SHISA6: variants seen among roughly 807,000 people sequenced by gnomAD.
The protein encoded by SHISA6 is protein shisa-6.
Under a neutral mutation model 47.9 loss-of-function variants are expected in SHISA6, and 22 were observed. The observed-to-expected ratio is 0.46, with a 90% CI of 0.33 to 0.66. The LOEUF is 0.66. Ranked by LOEUF, SHISA6 falls within the 30% of genes least tolerant of loss-of-function variation. The pLI is 0.02. For missense variants in SHISA6, 680 were observed against 764.6 expected (o/e 0.89, Z 1.30); for synonymous variants, 388 against 337.8 (o/e 1.15, Z -1.63).
intron 3 of SHISA6, among the ~76,000 whole-genome samples, chr17:11,444,825 T>C (rs1272591014): frequency 1.3e-5 from 2 of 152,170 alleles, no homozygotes; most frequent in Non-Finnish European, 2.9e-5. Context: ...CAGATGGGAC[T>C]CTGAACGTCC....
intron 2 of SHISA6, among the ~76,000 whole-genome samples, chr17:11,277,278 T>TCACACACACA (rs1385591802): frequency 1.9e-5 from 1 of 52,620 alleles, no homozygotes; most frequent in Non-Finnish European, 3.9e-5. Flanking sequence ...TCTCTCTCTC[T>TCACACACACA]CTCACACACA....
At chr17:11,495,347 C>T (rs2142341720) in intron 3 of SHISA6, among the ~76,000 whole-genome samples, 1 of 152,278 alleles carries the variant, frequency 6.6e-6, no homozygotes, top group Non-Finnish European at 1.5e-5. Flanking sequence ...GACTAAGCTG[C>T]ATTTGTGGGC....
chr17:11,405,796 A>G (rs2142267993), intron 3 of SHISA6, among the ~76,000 whole-genome samples: 1 of 152,156 alleles, frequency 6.6e-6, no homozygotes, highest in South Asian at 2.1e-4. Flanking sequence ...CTGTCTCAAA[A>G]AAAAAAAGAA....
intron 2 of SHISA6, among the ~76,000 whole-genome samples, chr17:11,292,712 G>C (rs887659561): frequency 6.6e-6 from 1 of 151,966 alleles, no homozygotes; most frequent in Admixed American, 6.6e-5. Context: ...AAAGCAAGGA[G>C]ACGAGATGAA....
chr17:11,361,054 TTTG>T (rs200123815), intron 2 of SHISA6, among the ~76,000 whole-genome samples: 44,660 of 144,650 alleles, frequency 0.31, 6,801 homozygotes, highest in African/African-American at 0.39. Context: ...TGTTTTTTTT[TTTG>T]TGTGTGTGTT....
intron 3 of SHISA6, among the ~76,000 whole-genome samples, chr17:11,454,293 T>C (rs1389638023): frequency 6.6e-6 from 1 of 152,176 alleles, no homozygotes; most frequent in Non-Finnish European, 1.5e-5. Context: ...GTCACCGTTA[T>C]CTCTCGCCTG....
At chr17:11,280,257 G>A (rs1909073927) in intron 2 of SHISA6, among the ~76,000 whole-genome samples, 1 of 152,152 alleles carries the variant, frequency 6.6e-6, no homozygotes, top group African/African-American at 2.4e-5. Context: ...ATTAATCTGT[G>A]CAAACAAATG....
chr17:11,282,148 C>T (rs757649318), intron 2 of SHISA6, among the ~76,000 whole-genome samples: 4 of 152,164 alleles, frequency 2.6e-5, no homozygotes, highest in Non-Finnish European at 4.4e-5. Context: ...AGCTGCTTCC[C>T]CAAATACTCC....
chr17:11,366,686 A>G (rs981216128), intron 2 of SHISA6, among the ~76,000 whole-genome samples: 1 of 152,152 alleles, frequency 6.6e-6, no homozygotes, highest in Non-Finnish European at 1.5e-5. Flanking sequence ...TGGATGTGAA[A>G]TGAAGCTTGC....
intron 3 of SHISA6, among the ~76,000 whole-genome samples, chr17:11,407,432 A>G (rs1434733408): frequency 2.6e-5 from 4 of 152,120 alleles, no homozygotes; most frequent in African/African-American, 9.7e-5. Context: ...CCCCGGAAGC[A>G]GAATGGACCA....
chr17:11,407,350 T>A (rs1386426150), intron 3 of SHISA6, among the ~76,000 whole-genome samples: 1 of 152,092 alleles, frequency 6.6e-6, no homozygotes, highest in Admixed American at 6.6e-5. Context: ...AACTGTGCTC[T>A]AGTCTATGCT....
In SHISA6 at chr17:11,558,499, C is replaced by A. The variant is rs977349414; in HGVS notation, c.*195C>A. 19 of 623,822 alleles carry A rather than the reference C, an allele frequency of 3.0e-5. No individual in the cohort carries two copies. Among genetic ancestry groups the A allele is most frequent in the Non-Finnish European group, 4.5e-5 (16 of 359,318 alleles). 38.6% of individuals were successfully genotyped at this position (623,822 alleles called of 1,614,324 possible). A position where few individuals can be genotyped will look rare whatever the true frequency, so the allele number is the denominator to read the frequency against. On this transcript the variant is annotated 3_prime_UTR_variant, in exon 6 of 6. Coordinates refer to ENST00000441885, the MANE Select transcript of SHISA6 (RefSeq NM_207386.4). Reference sequence around the variant, plus strand: ...GATGGCCTGGTCCAATACACTTAGACCCAGGACCAAGAGCAATCGCTCTTG... The same window carrying A: ...GATGGCCTGGTCCAATACACTTAGAACCAGGACCAAGAGCAATCGCTCTTG...
intron 1 of SHISA6, among the ~76,000 whole-genome samples, chr17:11,254,703 C>T (rs1010167713): frequency 2.6e-5 from 4 of 152,172 alleles, no homozygotes; most frequent in African/African-American, 9.7e-5. Flanking sequence ...CTTCTTTGGC[C>T]TGAGATCCAC....
chr17:11,480,578 T>C (rs1163443571), intron 3 of SHISA6, among the ~76,000 whole-genome samples: 1 of 152,134 alleles, frequency 6.6e-6, no homozygotes, highest in Admixed American at 6.6e-5. Context: ...TTTTCAGTGA[T>C]GGGGTTTTCC....
rs1051152387 is a variant in SHISA6, at chr17:11,263,228, A to G, written c.639-138A>G. The G allele has an allele frequency of 1.0e-5, 9 of 871,492 alleles. No homozygotes were observed. In the East Asian group the frequency reaches 2.1e-4, roughly 21 times the overall value. 54.0% of individuals were successfully genotyped at this position (871,492 alleles called of 1,614,324 possible). A position where few individuals can be genotyped will look rare whatever the true frequency, so the allele number is the denominator to read the frequency against. On this transcript the variant is annotated intron_variant, in intron 1 of 5. Coordinates refer to ENST00000441885, the MANE Select transcript of SHISA6 (RefSeq NM_207386.4). ...CTGAGACCAACACCAGATGTAGCTG[A>G]CTATTGAGAGCTGAATGCTGTCTCT...
intron 2 of SHISA6, among the ~76,000 whole-genome samples, chr17:11,369,146 T>C (rs1320970427): frequency 6.6e-6 from 1 of 152,172 alleles, no homozygotes; most frequent in African/African-American, 2.4e-5. Flanking sequence ...CCTAGGGCCA[T>C]TTGGCACTTC....
intron 5 of SHISA6, among the ~76,000 whole-genome samples, chr17:11,556,773 C>T (rs541271140): frequency 1.3e-5 from 2 of 152,210 alleles, no homozygotes; most frequent in African/African-American, 2.4e-5. Flanking sequence ...TCAACGACCC[C>T]GCTGCACCAA....
At chr17:11,414,104 C>T (rs901236406) in intron 3 of SHISA6, among the ~76,000 whole-genome samples, 21 of 151,582 alleles carry the variant, frequency 1.4e-4, no homozygotes, top group Non-Finnish European at 2.5e-4. Context: ...CATTGCTCCT[C>T]CTTTCCCTCC....
In SHISA6 at chr17:11,525,644, A is replaced by C. The variant is rs2071670692; in HGVS notation, c.896-26252A>C. The stretch of plus-strand genomic sequence containing the variant: ...AAGACTCCGTCTCAAAAAAAAAAAA[A>C]AAAAAAACAAAAAAAAAAAAACGTG... On this transcript the variant is annotated intron_variant, in intron 3 of 5. Coordinates refer to ENST00000441885, the MANE Select transcript of SHISA6 (RefSeq NM_207386.4). Among the ~76,000 whole-genome samples, 13 of 93,408 alleles carry C rather than the reference A, an allele frequency of 1.4e-4. No homozygotes were observed. The South Asian group carries it at 1.5e-3, about 11-fold the overall frequency. The allele number at this position is 93,408 out of a possible 152,430, so 61.3% of individuals were successfully genotyped here. A position where few individuals can be genotyped will look rare whatever the true frequency, so the allele number is the denominator to read the frequency against.
Sources: allele counts gnomAD v4.1 joint callset (sites outside exome capture counted in the v4.1 genomes callset), GRCh38; gene constraint gnomAD v4.1.1; transcripts MANE v1.5; gene names NCBI Gene and HGNC (gene_info 2026-07-23, HGNC 2026-07-21).